The following ITGB7 variants were observed in gnomAD, a reference collection of about 807,000 sequenced individuals.
The protein encoded by ITGB7 is integrin beta-7.
In ITGB7, 55 loss-of-function variants were observed where a neutral mutation model predicts 83.4. The ratio of observed to expected loss-of-function variants is 0.66; its 90% confidence interval spans 0.53 to 0.83. The LOEUF is 0.83. Among genes scored for constraint, ITGB7 ranks in the 40% least tolerant of loss-of-function variants. The probability of loss-of-function intolerance (pLI) is 0.00; values close to 1 mark genes in which losing one functional copy is unlikely to be tolerated. For synonymous variants in ITGB7, 454 were observed against 423.6 expected, an observed-to-expected ratio of 1.07 and a Z score of -0.88; for missense variants, 921 against 1,046.7, an observed-to-expected ratio of 0.88 and a Z score of 1.66.
chr12:53,193,131 T>G lies in ITGB7; in HGVS notation c.1726+9A>C. 2 of 1,599,584 alleles carry G rather than the reference T, an allele frequency of 1.3e-6. No individual in the cohort carries two copies. The highest frequency in any genetic ancestry group is 1.7e-6 in the Non-Finnish European group (2 of 1,168,998). ...CAGACCCCGCCCTTCTCCCCAAGGCTCCAGGTACCTCCGCAGAGGATGCCC... is the reference window on the plus strand; with the variant it reads ...CAGACCCCGCCCTTCTCCCCAAGGCGCCAGGTACCTCCGCAGAGGATGCCC... On this transcript the variant is annotated intron_variant, in intron 12 of 15. Coordinates refer to ENST00000267082, the MANE Select transcript of ITGB7 (RefSeq NM_000889.3).
intron 11 of ITGB7, 155 bp downstream of exon 11, chr12:53,193,552 TG>T: frequency 1.3e-6 from 1 of 767,604 alleles, no homozygotes; most frequent in Non-Finnish European, 2.1e-6. Context: ...GGGGAGGGCC[TG>T]GACATACATG....
chr12:53,192,173 T>A, intron 14 of ITGB7, 154 bp from the exon 15 acceptor site: 1 of 1,196,618 alleles, frequency 8.4e-7, no homozygotes, highest in Non-Finnish European at 1.2e-6. Flanking sequence ...CCCAGGGCCT[T>A]AGCCTCGTCC....
chr12:53,192,276 G>C, intron 14 of ITGB7, 54 bp downstream of exon 14: 1 of 1,561,710 alleles, frequency 6.4e-7, no homozygotes, highest in South Asian at 1.1e-5. Flanking sequence ...CATCCCCAGA[G>C]TTGAGACCCT....
chr12:53,203,647 CAAAAAAAAAAAAA>C (rs1158624130), intron 1 of ITGB7, among the ~76,000 whole-genome samples: 3 of 51,060 alleles, frequency 5.9e-5, no homozygotes, highest in African/African-American at 5.3e-5. Context: ...GACCCTGTCT[CAAAAAAAAAAAAA>C]AAAAAAAAAA....
chr12:53,193,584 C>CT (rs374740581), intron 11 of ITGB7, 124 bp downstream of exon 11: 76 of 908,594 alleles, frequency 8.4e-5, no homozygotes, highest in Non-Finnish European at 1.2e-4. Flanking sequence ...AGGGATGAAA[C>CT]TGAGTGGGGA....
At chr12:53,193,453 C>CA in intron 11 of ITGB7, 90 bp from the exon 12 acceptor site, 1 of 982,404 alleles carries the variant, frequency 1.0e-6, no homozygotes, top group Non-Finnish European at 1.5e-6. Context: ...CCCAAGTTCT[C>CA]AAAAGAGTTG....
At chr12:53,204,595 TG>T (rs889270405) in intron 1 of ITGB7, among the ~76,000 whole-genome samples, 1 of 152,110 alleles carries the variant, frequency 6.6e-6, no homozygotes, top group East Asian at 1.9e-4. Flanking sequence ...GACTGCTTAA[TG>T]GGCAGTTTCA....
chr12:53,194,255 C>T lies in ITGB7; in HGVS notation c.1251G>A (p.Lys417=), dbSNP rs369635466. Reference sequence around the variant, plus strand: ...CTCGATCCTCAGCCTTACCCTCCCTCTTCTCAGGACCCTCACACTGGGATT... The same window carrying T: ...CTCGATCCTCAGCCTTACCCTCCCTTTTCTCAGGACCCTCACACTGGGATT... The part of the protein sequence containing the change: ...SYESQCEGPE[K]REGKAEDRGQ... The change falls in exon 10 of 16, where the codon AAG becomes AAA. Residue 417 remains lysine (K), a synonymous_variant. Coordinates refer to ENST00000267082, the MANE Select transcript of ITGB7 (RefSeq NM_000889.3). 1.9e-6 allele frequency: 3 copies of T among 1,614,122 alleles called. No individual in the cohort carries two copies. The highest frequency in any genetic ancestry group is 1.7e-6 in the Non-Finnish European group (2 of 1,180,018).
At chr12:53,197,022 G>T in intron 5 of ITGB7, 1 of 611,888 alleles carries the variant, frequency 1.6e-6, no homozygotes, top group Non-Finnish European at 2.8e-6. Flanking sequence ...TTAAGAGGAG[G>T]ACACAACTTC....
At chr12:53,193,636 AGCGGAGGAATACGGGCCAGGGTTG>A in intron 11 of ITGB7, 48 bp downstream of exon 11, 1 of 1,311,814 alleles carries the variant, frequency 7.6e-7, no homozygotes, top group Non-Finnish European at 1.1e-6. Context: ...GATGGAAAGC[AGCGGAGGAATACGGGCCAGGGTTG>A]GTTGGTTGTT....
chr12:53,194,444 G>T (rs1418071183), intron 9 of ITGB7, 100 bp from the exon 10 acceptor site: 2 of 1,217,352 alleles, frequency 1.6e-6, no homozygotes, highest in African/African-American at 3.0e-5. Flanking sequence ...CCAGCACCCT[G>T]CCCTCTGCCA....
chr12:53,202,312 T>C (rs1467064229), intron 1 of ITGB7, among the ~76,000 whole-genome samples: 1 of 151,886 alleles, frequency 6.6e-6, no homozygotes, highest in Non-Finnish European at 1.5e-5. Flanking sequence ...TGAGCTGCAA[T>C]TGTGCCACTG....
chr12:53,191,692 TC>T (rs1312933611), intron 15 of ITGB7, 56 bp from the exon 16 acceptor site: 1 of 1,564,596 alleles, frequency 6.4e-7, no homozygotes. Flanking sequence ...TCGTCCCCTT[TC>T]TAGACCTAAG....
At chr12:53,203,371 G>A (rs2120523716) in intron 1 of ITGB7, among the ~76,000 whole-genome samples, 1 of 152,206 alleles carries the variant, frequency 6.6e-6, no homozygotes, top group Middle Eastern at 3.4e-3. Flanking sequence ...CAATGATCTG[G>A]GTATGGTGGC....
rs1422866769 is a variant in ITGB7, at chr12:53,197,885, C to G, written c.268G>C (p.Gly90Arg). 2 of 1,536,238 alleles carry G rather than the reference C, an allele frequency of 1.3e-6. No homozygotes were observed. Among genetic ancestry groups the G allele is most frequent in the South Asian group, 2.4e-5 (2 of 84,220 alleles). Residue 90 changes from glycine to arginine, a missense_variant, in exon 4 of 16, where the codon GGC (glycine) becomes CGC (arginine). Transcript: ENST00000267082. Reference protein sequence around the residue: ...CARREELLARGCPLEELEEPR... With the variant: ...CARREELLARRCPLEELEEPR... Reference sequence around the variant, plus strand: ...TCCTCCAGCTCCTCCAGCGGGCAGCCTCGAGCCAGCAGCTCCTCTCGTCGG... The same window carrying G: ...TCCTCCAGCTCCTCCAGCGGGCAGCGTCGAGCCAGCAGCTCCTCTCGTCGG...
At position 53,205,689 on chromosome 12, in the gene ITGB7, C is replaced by T. The variant is rs369570847; in HGVS notation, c.-127+1513G>A. Among the ~76,000 whole-genome samples the T allele has an allele frequency of 2.6e-5, 4 of 152,144 alleles. No homozygotes were observed. In the East Asian group the frequency reaches 5.8e-4, roughly 22 times the overall value. ...TTCAGGACTTGTACTGGTCCACATTCCCATCAGCAATGTATGAGAAAGGCC... is the reference window on the plus strand; with the variant it reads ...TTCAGGACTTGTACTGGTCCACATTTCCATCAGCAATGTATGAGAAAGGCC... On this transcript the variant is annotated intron_variant, in intron 1 of 15. Transcript: ENST00000267082.
chr12:53,192,758 A>T lies in ITGB7; in HGVS notation c.1879T>A (p.Leu627Met), dbSNP rs1942003673. 1 of 1,614,112 alleles carries T rather than the reference A, an allele frequency of 6.2e-7. No homozygotes were observed. Among genetic ancestry groups the T allele is most frequent in the African/African-American group, 1.3e-5 (1 of 74,942 alleles). ...CATAGAGCACCATAGTAGCCGTCCA[A>T]GCACTGGCAGCGGTTGCATTTGCAG... ...GRCKCNRCQC[L>M]DGYYGALCDQ... is the part of the protein sequence containing the mutation. The change falls in exon 13 of 16, where the codon TTG becomes ATG. Residue 627 changes from leucine to methionine, a missense_variant. Transcript: ENST00000267082.
At position 53,194,347 on chromosome 12, in the gene ITGB7, A is replaced by G. The variant is rs1403198001; in HGVS notation, c.1162-3T>C. On this transcript the variant is annotated splice_region_variant and splice_polypyrimidine_tract_variant and intron_variant, in intron 9 of 15. Coordinates refer to ENST00000267082, the MANE Select transcript of ITGB7 (RefSeq NM_000889.3). Reference sequence around the variant, plus strand: ...AGGGTCACGGTGGAAGACAGGCTCTATGGGAAGAGAGCGAGTGGATAACCA... The same window carrying G: ...AGGGTCACGGTGGAAGACAGGCTCTGTGGGAAGAGAGCGAGTGGATAACCA... 4.3e-6 allele frequency: 7 copies of G among 1,613,656 alleles called. No individual in the cohort carries two copies. The highest frequency in any genetic ancestry group is 5.1e-6 in the Non-Finnish European group (6 of 1,179,826).
chr12:53,195,545 G>A, intron 8 of ITGB7, 81 bp downstream of exon 8: 1 of 1,514,982 alleles, frequency 6.6e-7, no homozygotes, highest in Non-Finnish European at 9.2e-7. Flanking sequence ...GAGGGCATAT[G>A]GGGGACGGAG....
Sources: allele counts gnomAD v4.1 joint callset (sites outside exome capture counted in the v4.1 genomes callset), GRCh38; gene constraint gnomAD v4.1.1; transcripts MANE v1.5; gene names NCBI Gene and HGNC (gene_info 2026-07-23, HGNC 2026-07-21).